PUDP: variants seen among roughly 807,000 people sequenced by gnomAD.
The protein encoded by PUDP is pseudouridine-5'-phosphatase.
Under a neutral mutation model 9.4 loss-of-function variants are expected in PUDP, and 8 were observed. That is an observed-to-expected ratio of 0.85 (90% CI 0.50 to 1.53). PUDP has a LOEUF of 1.53. PUDP is among the 40% of genes most tolerant of loss of function. The pLI is 0.00. For synonymous variants in PUDP, 99 were observed against 80.7 expected (o/e 1.23, Z -1.22); for missense variants, 188 against 189.7 (o/e 0.99, Z 0.05).
intron 1 of PUDP, among the ~76,000 whole-genome samples, chrX:7,113,939 G>A (rs1261055410): frequency 1.8e-5 from 2 of 111,598 alleles, no homozygotes; most frequent in South Asian, 3.8e-4. Flanking sequence ...GAAGTCCAAC[G>A]TCGAGGGGAC....
At chrX:7,114,587 C>T (rs970122460) in intron 1 of PUDP, among the ~76,000 whole-genome samples, 4 of 111,551 alleles carry the variant, frequency 3.6e-5, no homozygotes, top group Non-Finnish European at 3.8e-5. Context: ...AACAAACGTT[C>T]AAACCACACA....
chrX:6,867,697 A>T (rs780576317), intron 3 of PUDP, among the ~76,000 whole-genome samples: 1 of 111,112 alleles, frequency 9.0e-6, no homozygotes, highest in African/African-American at 3.3e-5. Context: ...TGGTGCCGAA[A>T]GTGGAGGTGG....
At chrX:6,947,756 G>A (rs1407374804) in intron 3 of PUDP, among the ~76,000 whole-genome samples, 1 of 106,852 alleles carries the variant, frequency 9.4e-6, no homozygotes, top group African/African-American at 3.4e-5. Context: ...CACACCAGAC[G>A]TAGTGAGACC....
chrX:6,750,806 C>G (rs149595451), intron 3 of PUDP, among the ~76,000 whole-genome samples: 104 of 111,905 alleles, frequency 9.3e-4, no homozygotes, highest in African/African-American at 3.2e-3. Flanking sequence ...TCTCTGAACA[C>G]TGGACACTAT....
chrX:6,943,939 A>G (rs1406004177), intron 3 of PUDP, among the ~76,000 whole-genome samples: 1 of 111,919 alleles, frequency 8.9e-6, no homozygotes, highest in Non-Finnish European at 1.9e-5. Flanking sequence ...CAGAGTTAGA[A>G]AAAAAAATTA....
At chrX:7,086,625 T>C (rs1447288887) in intron 2 of PUDP, among the ~76,000 whole-genome samples, 2 of 111,993 alleles carry the variant, frequency 1.8e-5, no homozygotes, top group Admixed American at 9.5e-5. Context: ...TCAGACATCA[T>C]TGATTTTGGC....
At chrX:6,793,806 G>A (rs1413095634) in intron 3 of PUDP, among the ~76,000 whole-genome samples, 1 of 111,370 alleles carries the variant, frequency 9.0e-6, no homozygotes. Context: ...TGATAGGAAA[G>A]GATAGGCTGG....
chrX:6,779,565 A>T (rs1602616076), intron 3 of PUDP, among the ~76,000 whole-genome samples: 1 of 111,832 alleles, frequency 8.9e-6, no homozygotes, highest in East Asian at 2.8e-4. Flanking sequence ...ACTGACAGGT[A>T]GATTACATTA....
intron 3 of PUDP, among the ~76,000 whole-genome samples, chrX:6,819,280 T>A (rs1344857375): frequency 8.9e-6 from 1 of 111,750 alleles, no homozygotes; most frequent in Non-Finnish European, 1.9e-5. Context: ...CAATTATTTG[T>A]CCCCTCACCC....
At chrX:6,997,137 ATTTG>A (rs903260553) in intron 1 of PUDP, among the ~76,000 whole-genome samples, 24 of 112,393 alleles carry the variant, frequency 2.1e-4, no homozygotes, top group African/African-American at 7.1e-4. Flanking sequence ...TGGGTTGTGT[ATTTG>A]TTTGTAACTA....
rs551418228 is a variant in PUDP, at chrX:7,136,410, C to T, written c.61+11643G>A. On this transcript the variant is annotated intron_variant, in intron 1 of 3. Coordinates refer to ENST00000381077, the MANE Select transcript of PUDP (RefSeq NM_012080.5). Reference sequence around the variant, plus strand: ...GTCAGTGACTTCTGACATGGCACTGCGGGCACCTTCGTCTCCTGCATGATT... The same window carrying T: ...GTCAGTGACTTCTGACATGGCACTGTGGGCACCTTCGTCTCCTGCATGATT... Among the ~76,000 whole-genome samples the T allele has an allele frequency of 9.8e-5, 11 of 112,054 alleles. No homozygotes were observed. The South Asian group carries it at 4.1e-3, about 42-fold the overall frequency.
chrX:6,888,831 A>G (rs751642389), intron 3 of PUDP, among the ~76,000 whole-genome samples: 1 of 111,133 alleles, frequency 9.0e-6, no homozygotes, highest in African/African-American at 3.3e-5. Flanking sequence ...ATAAAGCAGA[A>G]AGGTCCTTCC....
At chrX:6,717,627 C>G (rs1339105982) in intron 1 of PUDP, among the ~76,000 whole-genome samples, 1 of 111,748 alleles carries the variant, frequency 8.9e-6, no homozygotes. Flanking sequence ...TGTTTCTGGC[C>G]AACAGAACAT....
At chrX:7,041,345 G>A (rs965230832) in intron 1 of PUDP, among the ~76,000 whole-genome samples, 2 of 111,563 alleles carry the variant, frequency 1.8e-5, no homozygotes, top group African/African-American at 6.5e-5. Context: ...GGTGACCCAG[G>A]AGCTCTGGAA....
chrX:7,037,610 T>C (rs1929870628), intron 1 of PUDP, among the ~76,000 whole-genome samples: 1 of 112,361 alleles, frequency 8.9e-6, no homozygotes, highest in Non-Finnish European at 1.9e-5. Context: ...CACTTGGCTA[T>C]CTTCCTGCAT....
intron 3 of PUDP, among the ~76,000 whole-genome samples, chrX:6,734,404 C>T (rs1446960783): frequency 1.8e-5 from 2 of 112,177 alleles, no homozygotes; most frequent in African/African-American, 3.2e-5. Flanking sequence ...ATAGTTTAAT[C>T]ATTCTACAAT....
rs763936376 is a variant in PUDP at position 6,721,228 on chromosome X, G to A, written n.128+189C>T. On this transcript the variant is annotated intron_variant and non_coding_transcript_variant, in intron 1 of 2. Transcript: ENST00000438499. ...GAAAAACACAAGTTAGGCTTGCAAAGTTTCTGTGAGAAATCCTCCTTTAGA... is the reference window on the plus strand; with the variant it reads ...GAAAAACACAAGTTAGGCTTGCAAAATTTCTGTGAGAAATCCTCCTTTAGA... 5.4e-5 allele frequency among the ~76,000 whole-genome samples: 6 copies of A among 112,002 alleles called. No homozygotes were observed. In the South Asian group the frequency reaches 1.5e-3, roughly 27 times the overall value.
intron 1 of PUDP, among the ~76,000 whole-genome samples, chrX:7,134,952 A>T (rs1198091698): frequency 8.9e-6 from 1 of 112,472 alleles, no homozygotes; most frequent in East Asian, 2.8e-4. Flanking sequence ...AAGAGTTAAA[A>T]GGTTGCCAAG....
rs150796033 is a variant in PUDP, at chrX:6,950,016, C to T, written c.*247+27117G>A. ...TTGCCCTGTCTCCAGTATGGCTGCT[C>T]GCTTCCAATAGAAAGAGTCTGGTAA... On this transcript the variant is annotated intron_variant and NMD_transcript_variant, in intron 3 of 3. Transcript: ENST00000655425. 2.9e-3 allele frequency among the ~76,000 whole-genome samples: 323 copies of T among 111,214 alleles called. 1 individual carries two copies. Among genetic ancestry groups the T allele is most frequent in the African/African-American group, 1.0e-2 (305 of 30,600 alleles).
Sources: gnomAD v4.1 joint callset for allele counts (sites outside exome capture counted in the v4.1 genomes callset) on GRCh38, gnomAD v4.1.1 for gene constraint, MANE v1.5 for transcripts, NCBI Gene and HGNC (gene_info 2026-07-23, HGNC 2026-07-21) for gene names.